Variants in KIF25 observed in about 807,000 individuals in gnomAD.
KIF25 encodes kinesin-like protein KIF25.
A neutral mutation model predicts 32.9 loss-of-function variants in KIF25; 19 were observed. The ratio of observed to expected loss-of-function variants is 0.58; its 90% CI spans 0.40 to 0.85. The LOEUF (loss-of-function observed/expected upper bound fraction) is 0.85, where lower values mean the gene tolerates loss of function less well. Ranked by LOEUF, KIF25 falls within the 40% of genes least tolerant of loss-of-function variation. The pLI is 0.00. For synonymous variants in KIF25, 225 were observed against 213.7 expected, an observed-to-expected ratio of 1.05 and a Z score of -0.46; for missense variants, 485 against 507.0, an observed-to-expected ratio of 0.96 and a Z score of 0.42.
intron 12 of KIF25, among the ~76,000 whole-genome samples, chr6:168,043,419 C>T (rs1307939102): frequency 3.3e-5 from 5 of 152,150 alleles, no homozygotes; most frequent in Non-Finnish European, 7.4e-5. Flanking sequence ...GGGGGCTCCT[C>T]CTTCCTGGGA....
intron 5 of KIF25, among the ~76,000 whole-genome samples, chr6:168,021,654 T>TGAAACTCCAAACCC: frequency 6.6e-6 from 1 of 152,356 alleles, no homozygotes; most frequent in East Asian, 1.9e-4. Flanking sequence ...CATCCAATCC[T>TGAAACTCCAAACCC]GAAACTCCAA....
intron 4 of KIF25, among the ~76,000 whole-genome samples, chr6:168,009,918 T>A (rs969469462): frequency 6.6e-6 from 1 of 152,070 alleles, no homozygotes; most frequent in Non-Finnish European, 1.5e-5. Flanking sequence ...CGTTGTGATA[T>A]CTCTTTTTCT....
intron 5 of KIF25, among the ~76,000 whole-genome samples, chr6:168,023,823 A>G (rs967735895): frequency 6.6e-6 from 1 of 152,228 alleles, no homozygotes; most frequent in South Asian, 2.1e-4. Context: ...CTTAGCCACC[A>G]TGTGTCGCGA....
Position 168,044,869 on chromosome 6 carries a change from G to T in KIF25, c.1028G>T (p.Ser343Ile), listed in dbSNP as rs758693124. 6.2e-7 allele frequency: 1 copy of T among 1,608,904 alleles called. No homozygotes were observed. The highest frequency in any genetic ancestry group is 8.5e-7 in the Non-Finnish European group (1 of 1,176,570). ...CTGGTGATTCTCTGCATTTCTCCCA[G>T]CCAGAGGCACCTGGCACAGACGTTG... ...KLLVILCISPSQRHLAQTLQG... is the reference protein window; with the variant it reads ...KLLVILCISPIQRHLAQTLQG... The change falls in exon 13 of 13, where the codon AGC (serine) becomes ATC (isoleucine). Residue 343 changes from serine to isoleucine, a missense_variant. Ser to Ile is a moderately radical substitution (Grantham distance 142, BLOSUM62 -2). Coordinates refer to ENST00000643607, the MANE Select transcript of KIF25 (RefSeq NM_030615.4).
intron 5 of KIF25, among the ~76,000 whole-genome samples, chr6:168,028,842 G>A (rs1034741181): frequency 7.9e-5 from 12 of 152,120 alleles, no homozygotes; most frequent in Non-Finnish European, 1.8e-4. Flanking sequence ...GCATATTTTT[G>A]TTGCTATCAC....
At position 168,042,601 on chromosome 6, in the gene KIF25, G is replaced by A. The variant is rs371921249; in HGVS notation, c.870G>A (p.Ala290=). Residue 290 remains alanine, a synonymous_variant, in exon 12 of 13, where the codon GCG becomes GCA. Transcript: ENST00000643607. ...GVTGLALREM[A]CISRSLAALA... is the part of the protein sequence containing the mutation. ...CCGGGTTGGCCCTGAGGGAGATGGC[G>A]TGCATCAGCCGCAGCCTTGCGGCCC... 29 of 1,613,954 alleles carry A rather than the reference G, an allele frequency of 1.8e-5. 1 individual carries two copies. The highest frequency in any genetic ancestry group is 6.7e-5 in the Admixed American group (4 of 60,016).
intron 4 of KIF25, among the ~76,000 whole-genome samples, chr6:168,016,208 G>A (rs779162218): frequency 3.3e-5 from 5 of 152,146 alleles, no homozygotes; most frequent in African/African-American, 9.7e-5. Context: ...GTTTTGCTTC[G>A]GTGTTTTGAG....
intron 5 of KIF25, among the ~76,000 whole-genome samples, chr6:168,024,423 C>CTTTTTTTT (rs56243912): frequency 1.5e-4 from 9 of 61,942 alleles, no homozygotes; most frequent in Admixed American, 2.1e-4. Context: ...AAACCTCTCT[C>CTTTTTTTT]TTTTTTTTTT....
rs1798454789 is a variant in KIF25 at position 167,998,632 on chromosome 6, C to T, written c.-837C>T. 6.6e-6 allele frequency: 1 copy of T among 152,156 alleles called. No individual in the cohort carries two copies. The highest frequency in any genetic ancestry group is 2.4e-5 in the African/African-American group (1 of 41,438). The allele number at this position is 152,156 out of a possible 1,614,324, so 9.4% of individuals were successfully genotyped here. Reference sequence around the variant, plus strand: ...GACAGATACTGAATTTCCAAAATCCCCTCTAAAATGCCTAAAATGTCGAGC... The same window carrying T: ...GACAGATACTGAATTTCCAAAATCCTCTCTAAAATGCCTAAAATGTCGAGC... On this transcript the variant is annotated 5_prime_UTR_variant, in exon 1 of 13. Transcript: ENST00000643607.
At chr6:168,010,714 G>C (rs1309426055) in intron 4 of KIF25, among the ~76,000 whole-genome samples, 2 of 151,968 alleles carry the variant, frequency 1.3e-5, no homozygotes, top group Non-Finnish European at 2.9e-5. Context: ...TGCTGAGAGT[G>C]GGGTGTTGAA....
intron 2 of KIF25, among the ~76,000 whole-genome samples, chr6:168,000,102 A>G (rs1275845783): frequency 1.8e-5 from 1 of 56,160 alleles, no homozygotes; most frequent in Non-Finnish European, 3.3e-5. Flanking sequence ...ACCACACCTG[A>G]CCCTCCCCAC....
chr6:168,038,464 C>T, intron 8 of KIF25, 89 bp from the exon 9 acceptor site: 1 of 1,339,074 alleles, frequency 7.5e-7, no homozygotes. Flanking sequence ...TACTGAGCAT[C>T]CTGTAGGGCG....
At chr6:168,024,600 G>A (rs939411245) in intron 5 of KIF25, among the ~76,000 whole-genome samples, 1 of 152,022 alleles carries the variant, frequency 6.6e-6, no homozygotes, top group Non-Finnish European at 1.5e-5. Flanking sequence ...TAATATCAAC[G>A]TTGGCAGAAT....
chr6:168,045,052 C>A lies in KIF25; in HGVS notation c.*56C>A. The A allele has an allele frequency of 1.3e-6, 2 of 1,487,496 alleles. No individual in the cohort carries two copies. Among genetic ancestry groups the A allele is most frequent in the Non-Finnish European group, 9.1e-7 (1 of 1,100,524 alleles). The allele number at this position is 1,487,496 out of a possible 1,614,324, so 92.1% of individuals were successfully genotyped here. On this transcript the variant is annotated 3_prime_UTR_variant, in exon 13 of 13. Transcript: ENST00000643607. The stretch of plus-strand genomic sequence containing the variant: ...TGTTTCTTGTCCTTGCTTTATAATG[C>A]ATATGTGCTTAGAAATAAACAGGTT...
At chr6:168,012,184 A>C (rs1798657461) in intron 4 of KIF25, among the ~76,000 whole-genome samples, 1 of 152,062 alleles carries the variant, frequency 6.6e-6, no homozygotes, top group South Asian at 2.1e-4. Context: ...TATTTCATAT[A>C]TTTCCTTATA....
chr6:168,026,346 G>A (rs1046660503), intron 5 of KIF25, among the ~76,000 whole-genome samples: 21 of 152,164 alleles, frequency 1.4e-4, no homozygotes, highest in African/African-American at 4.8e-4. Flanking sequence ...TGTTAGAAGT[G>A]AACAGAAAAA....
Position 168,044,855 on chromosome 6 carries a change from C to T in KIF25, c.1014C>T (p.Leu338=). ...LGGDAKLLVI[L]CISPSQRHLA... is the part of the protein sequence containing the mutation. ...GCGATGCGAAGTTACTGGTGATTCT[C>T]TGCATTTCTCCCAGCCAGAGGCACC... is the stretch of plus-strand genomic sequence containing the variant. Residue 338 remains leucine, a synonymous_variant, in exon 13 of 13, where the codon CTC becomes CTT. Coordinates refer to ENST00000643607, the MANE Select transcript of KIF25 (RefSeq NM_030615.4). 6.2e-7 allele frequency: 1 copy of T among 1,601,604 alleles called. No individual in the cohort carries two copies. Among genetic ancestry groups the T allele is most frequent in the Non-Finnish European group, 8.5e-7 (1 of 1,173,260 alleles).
intron 7 of KIF25, among the ~76,000 whole-genome samples, chr6:168,031,918 A>G (rs1384695434): frequency 6.6e-6 from 1 of 152,230 alleles, no homozygotes; most frequent in South Asian, 2.1e-4. Context: ...TCCTGAGAGC[A>G]CATGCCCAGG....
intron 4 of KIF25, among the ~76,000 whole-genome samples, chr6:168,006,387 A>G (rs529523418): frequency 6.6e-6 from 1 of 152,304 alleles, no homozygotes; most frequent in Non-Finnish European, 1.5e-5. Flanking sequence ...TGCAGCCTGT[A>G]ATACTCAGCA....
Sources: allele counts gnomAD v4.1 joint callset (sites outside exome capture counted in the v4.1 genomes callset), GRCh38; gene constraint gnomAD v4.1.1; transcripts MANE v1.5; gene names NCBI Gene and HGNC (gene_info 2026-07-23, HGNC 2026-07-21).